Variants in SHANK2 observed in about 807,000 individuals in gnomAD.
The protein encoded by SHANK2 is SH3 and multiple ankyrin repeat domains 2, also known as SH3 and multiple ankyrin repeat domains protein 2.
In SHANK2, 43 loss-of-function variants were observed where a neutral mutation model predicts 133.7. The observed-to-expected ratio is 0.32, with a 90% CI of 0.25 to 0.41. The LOEUF is 0.41. SHANK2 is among the 10% of genes least tolerant of loss of function. SHANK2 has a pLI of 1.00. For synonymous variants in SHANK2, 1,017 were observed against 952.8 expected (o/e 1.07, Z -1.24); for missense variants, 1,994 against 2,235.8 (o/e 0.89, Z 2.18).
intron 11 of SHANK2, among the ~76,000 whole-genome samples, chr11:70,844,973 G>A (rs1417294749): frequency 1.3e-5 from 2 of 151,996 alleles, no homozygotes; most frequent in African/African-American, 4.8e-5. Flanking sequence ...GGCTGAGATG[G>A]GTGGATCACG....
intron 17 of SHANK2, among the ~76,000 whole-genome samples, chr11:70,630,619 G>A (rs2060972355): frequency 2.6e-5 from 4 of 152,162 alleles, no homozygotes; most frequent in Non-Finnish European, 5.9e-5. Context: ...TATAAGGAGG[G>A]AAAATACAGA....
intron 3 of SHANK2, among the ~76,000 whole-genome samples, chr11:71,127,845 TGAA>T (rs1952219919): frequency 1.3e-5 from 2 of 152,230 alleles, no homozygotes; most frequent in South Asian, 2.1e-4. Context: ...TTGAGAATAC[TGAA>T]GAAGATGTTG....
chr11:71,070,432 A>T (rs1951127932), intron 9 of SHANK2, among the ~76,000 whole-genome samples: 1 of 152,176 alleles, frequency 6.6e-6, no homozygotes, highest in African/African-American at 2.4e-5. Context: ...AAACCAGGGG[A>T]GCCAGCTAAT....
intron 10 of SHANK2, among the ~76,000 whole-genome samples, chr11:70,920,622 G>A (rs2135758426): frequency 6.6e-6 from 1 of 152,328 alleles, no homozygotes; most frequent in African/African-American, 2.4e-5. Context: ...TATTCCAAAT[G>A]TCTCTCAAGC....
chr11:70,537,455 G>A (rs183197177), intron 17 of SHANK2, among the ~76,000 whole-genome samples: 111 of 152,384 alleles, frequency 7.3e-4, no homozygotes, highest in African/African-American at 2.6e-3. Flanking sequence ...AGCTGGGAGA[G>A]GGCATGTGGA....
intron 12 of SHANK2, among the ~76,000 whole-genome samples, chr11:70,817,081 G>A (rs1414636244): frequency 2.0e-5 from 3 of 152,198 alleles, no homozygotes; most frequent in African/African-American, 7.2e-5. Flanking sequence ...ACACAACAGT[G>A]GCACCTGCAT....
chr11:70,637,451 G>A lies in SHANK2; in HGVS notation c.2061+22377C>T, dbSNP rs568516440. On this transcript the variant is annotated intron_variant, in intron 17 of 25. Transcript: ENST00000601538. ...CTGGGTGTTTACTCCCCTCCTGGCC[G>A]GGCCACGGCCAGCTCTCCTCCTGCG... 1.2e-3 allele frequency among the ~76,000 whole-genome samples: 176 copies of A among 152,162 alleles called. 1 individual carries two copies. Among genetic ancestry groups the A allele is most frequent in the African/African-American group, 3.5e-3 (146 of 41,534 alleles).
intron 17 of SHANK2, among the ~76,000 whole-genome samples, chr11:70,599,889 A>AAGAAAGAG (rs376412663): frequency 4.1e-5 from 3 of 73,628 alleles, no homozygotes; most frequent in African/African-American, 1.2e-4. Flanking sequence ...GAAAGAAAGA[A>AAGAAAGAG]AAAGAAAGAA....
Position 70,486,717 on chromosome 11 carries a change from G to A in SHANK2, c.3576C>T (p.Ser1192=). ...AATTCCCGGGGCCGGCTGTGCCGCT[G>A]CTCGCGGAGGGCACTGCTGGGCTGC... is the stretch of plus-strand genomic sequence containing the variant. The part of the protein sequence containing the change: ...PESSPAVPSA[S]SGTAGPGNYV... The change falls in exon 25 of 26, where the codon AGC becomes AGT. Residue 1192 remains serine, a synonymous_variant. Coordinates refer to ENST00000601538, the MANE Select transcript of SHANK2 (RefSeq NM_012309.5). The surrounding 1 kb of genome is among the most constrained non-coding windows in gnomAD (Gnocchi z 8.0). 1 of 1,610,388 alleles carries A rather than the reference G, an allele frequency of 6.2e-7. No individual in the cohort carries two copies. The highest frequency in any genetic ancestry group is 8.5e-7 in the Non-Finnish European group (1 of 1,179,946).
At chr11:70,761,758 A>G (rs1298584454) in intron 14 of SHANK2, among the ~76,000 whole-genome samples, 1 of 152,226 alleles carries the variant, frequency 6.6e-6, no homozygotes, top group African/African-American at 2.4e-5. Context: ...GCTGTGCTCC[A>G]TGGGCCACGT....
intron 11 of SHANK2, among the ~76,000 whole-genome samples, chr11:70,886,399 A>G (rs1440000000): frequency 6.6e-6 from 1 of 152,218 alleles, no homozygotes; most frequent in Non-Finnish European, 1.5e-5. Flanking sequence ...AGGGGACTCA[A>G]TAACGGGGAC....
chr11:70,945,030 G>A (rs532298276), intron 10 of SHANK2, among the ~76,000 whole-genome samples: 19 of 152,164 alleles, frequency 1.2e-4, no homozygotes, highest in South Asian at 4.2e-4. Flanking sequence ...GTTTCTGCCC[G>A]GACTATTTAG....
At chr11:70,725,441 C>A (rs1055488290) in intron 14 of SHANK2, among the ~76,000 whole-genome samples, 4 of 152,208 alleles carry the variant, frequency 2.6e-5, no homozygotes, top group African/African-American at 4.8e-5. Flanking sequence ...GTGGCCCAGA[C>A]CCGCTCCTCC....
intron 10 of SHANK2, chr11:70,943,949 T>A: frequency 2.2e-6 from 1 of 456,690 alleles, no homozygotes; most frequent in Non-Finnish European, 4.4e-6. Context: ...ACTTGTTGAC[T>A]TCCTGCCAGG....
At chr11:70,784,680 T>C (rs1947609574) in intron 14 of SHANK2, among the ~76,000 whole-genome samples, 1 of 152,132 alleles carries the variant, frequency 6.6e-6, no homozygotes, top group East Asian at 1.9e-4. Flanking sequence ...ACTGTCCCCC[T>C]CTGTGGCATG....
intron 10 of SHANK2, among the ~76,000 whole-genome samples, chr11:70,901,608 C>G (rs1950024226): frequency 6.6e-6 from 1 of 152,168 alleles, no homozygotes; most frequent in Non-Finnish European, 1.5e-5. Flanking sequence ...CAGACAGATG[C>G]CTACCTGCAG....
chr11:70,917,619 G>A (rs1849379820), intron 10 of SHANK2, among the ~76,000 whole-genome samples: 1 of 152,214 alleles, frequency 6.6e-6, no homozygotes, highest in Admixed American at 6.5e-5. Context: ...GCCCATCAGT[G>A]ACAGACTGGA....
At chr11:70,916,543 A>G (rs1257025899) in intron 10 of SHANK2, among the ~76,000 whole-genome samples, 1 of 152,184 alleles carries the variant, frequency 6.6e-6, no homozygotes, top group African/African-American at 2.4e-5. Flanking sequence ...CCTTTCACAC[A>G]GTAGCACAGC....
At chr11:70,936,870 T>G (rs1251700382) in intron 10 of SHANK2, among the ~76,000 whole-genome samples, 2 of 152,206 alleles carry the variant, frequency 1.3e-5, no homozygotes, top group Non-Finnish European at 2.9e-5. Flanking sequence ...TGGTACCCAC[T>G]GTAAGTCCTC....
Sources: allele counts gnomAD v4.1 joint callset (sites outside exome capture counted in the v4.1 genomes callset), GRCh38; gene constraint gnomAD v4.1.1; non-coding constraint Gnocchi (gnomAD v3.1); transcripts MANE v1.5; gene names NCBI Gene and HGNC (gene_info 2026-07-23, HGNC 2026-07-21).